Variants in CXCL13 observed in about 807,000 individuals in gnomAD.
The protein encoded by CXCL13 is C-X-C motif chemokine 13.
A neutral mutation model predicts 12.2 loss-of-function variants in CXCL13; 7 were observed. The observed-to-expected ratio is 0.57, with a 90% confidence interval of 0.33 to 1.07. CXCL13 has a LOEUF of 1.07. Ranked by LOEUF, CXCL13 falls within the 50% of genes least tolerant of loss-of-function variation. The pLI, the probability that CXCL13 is intolerant of heterozygous loss-of-function variation, is 0.04. For synonymous variants in CXCL13, 47 were observed against 42.4 expected (o/e 1.11, Z -0.42); for missense variants, 113 against 127.4 (o/e 0.89, Z 0.55).
chr4:77,519,541 C>A (rs190815909), intron 1 of CXCL13, among the ~76,000 whole-genome samples: 20 of 152,238 alleles, frequency 1.3e-4, no homozygotes, highest in African/African-American at 4.6e-4. Context: ...TGTTCATATC[C>A]TTTGCCTACT....
At chr4:77,545,762 T>G (rs981547877) in intron 1 of CXCL13, among the ~76,000 whole-genome samples, 1 of 152,206 alleles carries the variant, frequency 6.6e-6, no homozygotes, top group Non-Finnish European at 1.5e-5. Context: ...CTGATTGCCC[T>G]GGCCAGAACT....
At chr4:77,562,193 C>A (rs1432572758) in intron 1 of CXCL13, among the ~76,000 whole-genome samples, 3 of 134,790 alleles carry the variant, frequency 2.2e-5, no homozygotes, top group Non-Finnish European at 3.2e-5. Context: ...TCACTGCAGC[C>A]CCCCGCCCCG....
At chr4:77,593,079 T>C (rs1726655107) in intron 1 of CXCL13, among the ~76,000 whole-genome samples, 2 of 152,192 alleles carry the variant, frequency 1.3e-5, no homozygotes, top group Admixed American at 6.5e-5. Flanking sequence ...TCTGTTCTTT[T>C]GGCTTTCCTT....
chr4:77,602,619 T>C (rs959887059), upstream of CXCL13, among the ~76,000 whole-genome samples: 3 of 152,008 alleles, frequency 2.0e-5, no homozygotes, highest in East Asian at 1.9e-4. Flanking sequence ...GGAAAGAAAA[T>C]CTGATTCGAT....
chr4:77,593,175 C>T (rs1036284515), intron 1 of CXCL13, among the ~76,000 whole-genome samples: 2 of 152,086 alleles, frequency 1.3e-5, no homozygotes, highest in Non-Finnish European at 2.9e-5. Context: ...CTTACAGAGG[C>T]GAGCAGAAAG....
At chr4:77,528,356 G>A (rs1724820139) in intron 1 of CXCL13, among the ~76,000 whole-genome samples, 1 of 152,218 alleles carries the variant, frequency 6.6e-6, no homozygotes, top group Admixed American at 6.5e-5. Context: ...TCACCACACT[G>A]ACTTCCACAA....
At chr4:77,545,404 G>T (rs549598255) in intron 1 of CXCL13, among the ~76,000 whole-genome samples, 77 of 152,258 alleles carry the variant, frequency 5.1e-4, no homozygotes, top group African/African-American at 1.8e-3. Flanking sequence ...CCATTTGATT[G>T]TGTCCTCTTT....
intron 1 of CXCL13, among the ~76,000 whole-genome samples, chr4:77,552,449 C>T (rs1725555433): frequency 6.6e-6 from 1 of 152,180 alleles, no homozygotes; most frequent in Non-Finnish European, 1.5e-5. Context: ...TGGGTAAGAG[C>T]CAGCTGTGGC....
chr4:77,521,025 A>T (rs1336998028), intron 1 of CXCL13, among the ~76,000 whole-genome samples: 2 of 152,054 alleles, frequency 1.3e-5, no homozygotes, highest in Non-Finnish European at 2.9e-5. Context: ...ATGTTTATTG[A>T]TTTGCGTATG....
rs527243526 is a variant in CXCL13 at position 77,563,247 on chromosome 4, A to T, written c.-42-42577A>T. On this transcript the variant is annotated intron_variant, in intron 1 of 4. Coordinates refer to the CXCL13 transcript ENST00000286758. ...CATTCTTGAAGTCAGTGAGACCAAG[A>T]ACCCACCAATTCCAGACACAGCAGT... is the stretch of plus-strand genomic sequence containing the variant. Among the ~76,000 whole-genome samples the T allele has an allele frequency of 1.4e-4, 21 of 152,226 alleles. 1 individual carries two copies. Among genetic ancestry groups the T allele is most frequent in the Middle Eastern group, 6.8e-3 (2 of 294 alleles).
chr4:77,520,885 G>A (rs1222587990), intron 1 of CXCL13, among the ~76,000 whole-genome samples: 1 of 152,128 alleles, frequency 6.6e-6, no homozygotes, highest in East Asian at 1.9e-4. Flanking sequence ...TTTGAGATGT[G>A]TTCCATCAAT....
intron 1 of CXCL13, among the ~76,000 whole-genome samples, chr4:77,567,671 T>C (rs1264570379): frequency 2.0e-5 from 3 of 152,176 alleles, no homozygotes; most frequent in Non-Finnish European, 1.5e-5. Flanking sequence ...TGACCTCTGG[T>C]CATCCTCACT....
At chr4:77,562,256 C>T (rs970529509) in intron 1 of CXCL13, among the ~76,000 whole-genome samples, 1 of 150,044 alleles carries the variant, frequency 6.7e-6, no homozygotes, top group Admixed American at 6.6e-5. Flanking sequence ...AGGCCTGAGC[C>T]TCCCTGACGG....
chr4:77,513,502 A>G (rs1305622927), intron 1 of CXCL13, among the ~76,000 whole-genome samples: 1 of 150,204 alleles, frequency 6.7e-6, no homozygotes, highest in Non-Finnish European at 1.5e-5. Context: ...CCCAGGCTGG[A>G]GTGCAGTGGC....
intron 1 of CXCL13, among the ~76,000 whole-genome samples, chr4:77,556,713 G>C (rs1185294166): frequency 6.6e-6 from 1 of 152,054 alleles, no homozygotes; most frequent in Non-Finnish European, 1.5e-5. Context: ...ATTCAAAGAT[G>C]AATCCAGAAT....
At chr4:77,595,422 G>A (rs1208283449) in intron 1 of CXCL13, among the ~76,000 whole-genome samples, 1 of 152,078 alleles carries the variant, frequency 6.6e-6, no homozygotes. Context: ...ATTGCTTATT[G>A]CCTGCAAGAT....
intron 2 of CXCL13, 74 bp downstream of exon 2, chr4:77,607,909 T>G (rs1235612212): frequency 7.0e-7 from 1 of 1,429,788 alleles, no homozygotes; most frequent in African/African-American, 1.4e-5. Context: ...CATACAGTAG[T>G]CTTACTCAAG....
chr4:77,580,573 C>T (rs1375583563), intron 1 of CXCL13, among the ~76,000 whole-genome samples: 1 of 151,902 alleles, frequency 6.6e-6, no homozygotes. Flanking sequence ...GATCCGCCTC[C>T]ATCAGCCCCT....
chr4:77,549,662 C>T (rs1725459409), intron 1 of CXCL13, among the ~76,000 whole-genome samples: 2 of 152,190 alleles, frequency 1.3e-5, no homozygotes, highest in Non-Finnish European at 2.9e-5. Context: ...GTATCACCAG[C>T]AGAGGCTGCA....
Sources: allele counts gnomAD v4.1 joint callset (sites outside exome capture counted in the v4.1 genomes callset), GRCh38; gene constraint gnomAD v4.1.1; transcripts MANE v1.5; gene names NCBI Gene and HGNC (gene_info 2026-07-23, HGNC 2026-07-21).